ALOX5: variants seen among roughly 807,000 people sequenced by gnomAD.
ALOX5 encodes arachidonate 5-lipoxygenase, also known as polyunsaturated fatty acid 5-lipoxygenase.
A neutral mutation model predicts 87.9 loss-of-function variants in ALOX5; 64 were observed. The ratio of observed to expected loss-of-function variants is 0.73; its 90% confidence interval spans 0.60 to 0.90. The LOEUF is 0.90. Among genes scored for constraint, ALOX5 ranks in the 40% least tolerant of loss-of-function variants. ALOX5 has a pLI of 0.00. For synonymous variants in ALOX5, 388 were observed against 355.1 expected, an observed-to-expected ratio of 1.09 and a Z score of -1.04; for missense variants, 822 against 907.5, an observed-to-expected ratio of 0.91 and a Z score of 1.21.
chr10:45,378,063 C>T (rs1317775121), intron 1 of ALOX5, among the ~76,000 whole-genome samples: 1 of 152,190 alleles, frequency 6.6e-6, no homozygotes, highest in Non-Finnish European at 1.5e-5. Context: ...ACGTGTGAAT[C>T]CCCCGGGGAC....
Position 45,446,043 on chromosome 10 carries a change from A to C in ALOX5, c.*356A>C. 1 of 258,014 alleles carries C rather than the reference A, an allele frequency of 3.9e-6. No individual in the cohort carries two copies. Among genetic ancestry groups the C allele is most frequent in the Non-Finnish European group, 7.3e-6 (1 of 136,742 alleles). 16.0% of individuals were successfully genotyped at this position (258,014 alleles called of 1,614,324 possible). On this transcript the variant is annotated 3_prime_UTR_variant, in exon 14 of 14. Coordinates refer to ENST00000374391, the MANE Select transcript of ALOX5 (RefSeq NM_000698.5). ...GTGCTTAGTCCAATTCCTTGCACAT[A>C]GTAGGTACCCAATTCAATTACTATT...
chr10:45,416,208 T>G (rs1414142116), intron 4 of ALOX5, among the ~76,000 whole-genome samples: 3 of 152,184 alleles, frequency 2.0e-5, no homozygotes, highest in African/African-American at 4.8e-5. Flanking sequence ...ATAATATTAT[T>G]GACCATTTCT....
At chr10:45,418,092 G>A (rs1231976499) in intron 4 of ALOX5, among the ~76,000 whole-genome samples, 1 of 152,228 alleles carries the variant, frequency 6.6e-6, no homozygotes, top group Admixed American at 6.5e-5. Flanking sequence ...GGCCCAGCAG[G>A]CTGGACAGTA....
At chr10:45,436,882 T>A (rs1434865876) in intron 7 of ALOX5, among the ~76,000 whole-genome samples, 1 of 152,228 alleles carries the variant, frequency 6.6e-6, no homozygotes, top group Non-Finnish European at 1.5e-5. Flanking sequence ...TTTTGTGTCA[T>A]CTATGATTTC....
chr10:45,400,433 C>G (rs1840659520), intron 3 of ALOX5, among the ~76,000 whole-genome samples: 1 of 151,996 alleles, frequency 6.6e-6, no homozygotes, highest in Admixed American at 6.6e-5. Flanking sequence ...AACCCCATGT[C>G]TACAAAAATA....
Position 45,444,098 on chromosome 10 carries a change from T to C in ALOX5, c.1675-18T>C, listed in dbSNP as rs372833086. ...GGGCTTCGGGGGTGCCCACGCTTGC[T>C]GGCGGTCGTCTCCGCAGTACGACTG... On this transcript the variant is annotated intron_variant, in intron 12 of 13. Transcript: ENST00000374391. 1.6e-4 allele frequency: 249 copies of C among 1,516,602 alleles called. 2 individuals carry two copies. The highest frequency in any genetic ancestry group is 3.2e-4 in the South Asian group (26 of 80,784). 93.9% of individuals were successfully genotyped at this position (1,516,602 alleles called of 1,614,324 possible).
intron 2 of ALOX5, among the ~76,000 whole-genome samples, chr10:45,385,220 C>G (rs17157756): frequency 0.038 from 5,820 of 152,194 alleles, 362 homozygotes; most frequent in African/African-American, 0.13. Flanking sequence ...GGGGGCCAGC[C>G]TACAAGTGAT....
At chr10:45,437,771 G>C (rs2132845342) in intron 7 of ALOX5, among the ~76,000 whole-genome samples, 1 of 152,314 alleles carries the variant, frequency 6.6e-6, no homozygotes, top group East Asian at 1.9e-4. Flanking sequence ...TTTTAGTTTA[G>C]ACTGTGAGGT....
chr10:45,409,908 C>T (rs1237809494), intron 3 of ALOX5, among the ~76,000 whole-genome samples: 2 of 152,270 alleles, frequency 1.3e-5, no homozygotes, highest in Non-Finnish European at 2.9e-5. Context: ...AGGCCATCAT[C>T]TTCTAACCAC....
rs147327397 is a variant in ALOX5 at position 45,443,061 on chromosome 10, G to C, written c.1296G>C (p.Gly432=). The C allele has an allele frequency of 3.1e-4, 503 of 1,613,084 alleles. 2 individuals are homozygous for C. The African/African-American group carries it at 5.0e-3, about 16-fold the overall frequency. Residue 432 remains glycine, a synonymous_variant, in exon 10 of 14, where the codon GGG becomes GGC. Transcript: ENST00000374391. ...FDKANATGGG[G]HVQMVQRAMK... ...AGGCCAACGCCACAGGGGGCGGTGG[G>C]CACGTGCAGATGGTGCAGAGGGCCA...
chr10:45,435,166 C>G (rs944482932), intron 7 of ALOX5, among the ~76,000 whole-genome samples: 12 of 151,738 alleles, frequency 7.9e-5, no homozygotes, highest in Admixed American at 7.9e-4. Flanking sequence ...CCGGTCAGGC[C>G]GGGAGGTGAA....
chr10:45,388,233 C>G (rs1840071848), intron 2 of ALOX5, among the ~76,000 whole-genome samples: 1 of 152,240 alleles, frequency 6.6e-6, no homozygotes, highest in African/African-American at 2.4e-5. Context: ...TCAGGAAGGC[C>G]TGCCAGCCTC....
chr10:45,435,229 C>T (rs1431805876), intron 7 of ALOX5, among the ~76,000 whole-genome samples: 1 of 151,224 alleles, frequency 6.6e-6, no homozygotes, highest in Non-Finnish European at 1.5e-5. Context: ...CTGGGCCCAT[C>T]CTCATTCAGC....
intron 4 of ALOX5, among the ~76,000 whole-genome samples, chr10:45,419,899 C>T (rs1042509489): frequency 6.6e-6 from 1 of 152,104 alleles, no homozygotes; most frequent in African/African-American, 2.4e-5. Flanking sequence ...AGGACCCAGG[C>T]TGGGGATCGG....
chr10:45,392,802 C>G (rs1840338791), intron 2 of ALOX5, among the ~76,000 whole-genome samples: 1 of 151,928 alleles, frequency 6.6e-6, no homozygotes, highest in Non-Finnish European at 1.5e-5. Context: ...ATACAAACTA[C>G]CATCAGAGAA....
intron 7 of ALOX5, among the ~76,000 whole-genome samples, chr10:45,429,099 A>G (rs113129789): frequency 2.0e-5 from 3 of 152,196 alleles, no homozygotes; most frequent in African/African-American, 7.2e-5. Flanking sequence ...GGAGACCAAG[A>G]CCACTGAGGG....
At chr10:45,412,167 T>G in intron 3 of ALOX5, 24 bp from the exon 4 acceptor site, 5 of 1,613,912 alleles carry the variant, frequency 3.1e-6, no homozygotes, top group Non-Finnish European at 4.2e-6. Context: ...TTTAACTCAA[T>G]TTCTTCTCCT....
At chr10:45,399,124 T>A (rs1245988393) in intron 3 of ALOX5, among the ~76,000 whole-genome samples, 1 of 152,140 alleles carries the variant, frequency 6.6e-6, no homozygotes, top group East Asian at 1.9e-4. Context: ...GAAAGAAGAA[T>A]GAAATACTGA....
At chr10:45,383,628 G>C (rs1839917084) in intron 2 of ALOX5, among the ~76,000 whole-genome samples, 1 of 152,216 alleles carries the variant, frequency 6.6e-6, no homozygotes, top group Non-Finnish European at 1.5e-5. Flanking sequence ...GGTAGGAAGA[G>C]ATGACTGTTA....
Sources: allele counts gnomAD v4.1 joint callset (sites outside exome capture counted in the v4.1 genomes callset), GRCh38; gene constraint gnomAD v4.1.1; transcripts MANE v1.5; gene names NCBI Gene and HGNC (gene_info 2026-07-23, HGNC 2026-07-21).